Variants in ADAM22 observed in about 807,000 individuals in gnomAD.
ADAM22 encodes the protein ADAM metallopeptidase domain 22.
Under a neutral mutation model 144.6 loss-of-function variants are expected in ADAM22, and 65 were observed. The observed-to-expected ratio is 0.45, with a 90% CI of 0.37 to 0.55. ADAM22 has a LOEUF of 0.55. Among genes scored for constraint, ADAM22 ranks in the 20% least tolerant of loss-of-function variants. The pLI, the probability that ADAM22 is intolerant of heterozygous loss-of-function variation, is 0.00. For synonymous variants in ADAM22, 391 were observed against 412.6 expected (o/e 0.95, Z 0.63); for missense variants, 974 against 1,184.9 (o/e 0.82, Z 2.61).
At chr7:88,000,763 G>T (rs1178338959) in intron 3 of ADAM22, among the ~76,000 whole-genome samples, 5 of 152,052 alleles carry the variant, frequency 3.3e-5, no homozygotes, top group African/African-American at 4.8e-5. Flanking sequence ...ATGAGAATAT[G>T]AATATTTTTC....
chr7:87,962,928 G>T (rs1848303048), intron 2 of ADAM22, among the ~76,000 whole-genome samples: 2 of 152,180 alleles, frequency 1.3e-5, no homozygotes, highest in South Asian at 2.1e-4. Flanking sequence ...CGAAGATCTG[G>T]AGTTTTAACC....
chr7:87,971,611 G>C (rs1637497), intron 2 of ADAM22, among the ~76,000 whole-genome samples: 87,308 of 151,560 alleles, frequency 0.58, 25,804 homozygotes, highest in African/African-American at 0.7. Flanking sequence ...TCCAGTATCT[G>C]TGAGGGGTAT....
chr7:87,961,574 T>C (rs984310332), intron 2 of ADAM22, among the ~76,000 whole-genome samples: 1 of 152,244 alleles, frequency 6.6e-6, no homozygotes, highest in Non-Finnish European at 1.5e-5. Flanking sequence ...TTATGTTTAG[T>C]ACAAGCATGG....
intron 2 of ADAM22, among the ~76,000 whole-genome samples, chr7:87,961,111 C>T (rs1020904374): frequency 6.6e-6 from 1 of 151,876 alleles, no homozygotes; most frequent in Non-Finnish European, 1.5e-5. Flanking sequence ...AGGGGGCATA[C>T]GTTGTAATTT....
At chr7:88,132,981 TG>T in intron 12 of ADAM22, 30 bp downstream of exon 12, 4 of 1,587,838 alleles carry the variant, frequency 2.5e-6, no homozygotes, top group Non-Finnish European at 2.6e-6. Flanking sequence ...CAATACAAAG[TG>T]GTATGATGGC....
chr7:88,081,984 C>G (rs1816812494), intron 4 of ADAM22, among the ~76,000 whole-genome samples: 1 of 152,046 alleles, frequency 6.6e-6, no homozygotes. Context: ...TTGGAAAAAA[C>G]TACTTTAAAG....
intron 9 of ADAM22, 81 bp from the exon 10 acceptor site, chr7:88,130,307 A>C (rs1831444939): frequency 1.8e-6 from 2 of 1,090,272 alleles, no homozygotes; most frequent in Non-Finnish European, 2.7e-6. Flanking sequence ...GGGATCTTTC[A>C]ATTGCACCAT....
chr7:88,042,325 G>A (rs966102093), intron 3 of ADAM22, among the ~76,000 whole-genome samples: 6 of 151,962 alleles, frequency 3.9e-5, no homozygotes, highest in Admixed American at 2.0e-4. Flanking sequence ...TTGTAGGGAG[G>A]AAAAATGTGA....
chr7:87,934,863 C>G lies in ADAM22; in HGVS notation c.86-163C>G, dbSNP rs1351358549. ...CTCGGATGAGCTGGTCCAAGGCTCT[C>G]GGGCTGGTGTCTCTGCGTCCTTCCC... On this transcript the variant is annotated intron_variant, in intron 1 of 31. Transcript: ENST00000413139. 8.0e-6 allele frequency: 8 copies of G among 995,686 alleles called. No homozygotes were observed. The South Asian group carries it at 1.0e-4, about 13-fold the overall frequency. The allele number at this position is 995,686 out of a possible 1,614,324, so 61.7% of individuals were successfully genotyped here.
At chr7:88,161,378 C>T (rs1248903008) in intron 22 of ADAM22, among the ~76,000 whole-genome samples, 1 of 151,994 alleles carries the variant, frequency 6.6e-6, no homozygotes, top group East Asian at 1.9e-4. Context: ...TGGAAGACAA[C>T]TTAGGCAATA....
At chr7:88,113,705 T>TATATATATAC (rs1826837330) in intron 5 of ADAM22, among the ~76,000 whole-genome samples, 1 of 67,174 alleles carries the variant, frequency 1.5e-5, no homozygotes, top group Non-Finnish European at 2.8e-5. Context: ...AATAAATAAA[T>TATATATATAC]ATATATATAT....
intron 2 of ADAM22, among the ~76,000 whole-genome samples, chr7:87,975,910 A>G (rs896551843): frequency 6.6e-6 from 1 of 152,148 alleles, no homozygotes; most frequent in African/African-American, 2.4e-5. Flanking sequence ...TTCCCAAAAC[A>G]CAGTTGTTAG....
chr7:88,108,230 G>A lies in ADAM22; in HGVS notation c.445G>A (p.Val149Ile). 6.2e-7 allele frequency: 1 copy of A among 1,613,744 alleles called. No individual in the cohort carries two copies. The highest frequency in any genetic ancestry group is 8.5e-7 in the Non-Finnish European group (1 of 1,179,868). Residue 149 changes from valine to isoleucine, a missense_variant, in exon 5 of 32, where the codon GTT (valine) becomes ATT (isoleucine). Physicochemically the swap from Val to Ile is conservative, Grantham distance 29 (BLOSUM62 3). Around this residue, in one of 2 missense-constraint regions of ADAM22, gnomAD observed 240 missense variants for 234.3 expected, o/e 1.02. Transcript: ENST00000413139. ...GHIRGNPDSF[V>I]ALSTCHGLHG... The stretch of plus-strand genomic sequence containing the variant: ...TATCCGAGGAAACCCTGACTCATTT[G>A]TTGCATTGTCAACATGCCACGGACT...
At chr7:87,967,652 C>T (rs1849437593) in intron 2 of ADAM22, among the ~76,000 whole-genome samples, 1 of 151,522 alleles carries the variant, frequency 6.6e-6, no homozygotes, top group African/African-American at 2.4e-5. Context: ...ACTAAAAATA[C>T]AAAGAATTAG....
chr7:88,114,696 G>C, intron 6 of ADAM22, 49 bp downstream of exon 6: 1 of 1,572,150 alleles, frequency 6.4e-7, no homozygotes, highest in African/African-American at 1.4e-5. Context: ...TTTATGCTGA[G>C]AGCTTTTTTC....
At chr7:88,079,028 C>G (rs552105355) in intron 4 of ADAM22, among the ~76,000 whole-genome samples, 3 of 152,034 alleles carry the variant, frequency 2.0e-5, no homozygotes, top group Non-Finnish European at 4.4e-5. Flanking sequence ...AAGAGCAACT[C>G]CAAGACACAT....
intron 3 of ADAM22, among the ~76,000 whole-genome samples, chr7:88,029,606 C>T (rs1685768316): frequency 6.6e-6 from 1 of 151,988 alleles, no homozygotes; most frequent in African/African-American, 2.4e-5. Context: ...TCATTAATGT[C>T]CTTTTCTTTC....
At position 88,202,315 on chromosome 7, in the gene ADAM22, C is replaced by G. The variant is rs1259623615; in HGVS notation, c.*5824C>G. The G allele has an allele frequency of 1.3e-5, 2 of 151,956 alleles. No individual in the cohort carries two copies. The highest frequency in any genetic ancestry group is 3.9e-4 in the East Asian group (2 of 5,192). 9.4% of individuals were successfully genotyped at this position (151,956 alleles called of 1,614,324 possible). The stretch of plus-strand genomic sequence containing the variant: ...TTTTTTAACTTGCTGGAAGACTTGC[C>G]CCTCCAAACTAGCACCCCCAAAAGA... On this transcript the variant is annotated 3_prime_UTR_variant, in exon 32 of 32. Transcript: ENST00000413139.
chr7:88,130,431 C>A lies in ADAM22; in HGVS notation c.797C>A (p.Ala266Glu). 1 of 1,613,186 alleles carries A rather than the reference C, an allele frequency of 6.2e-7. No individual in the cohort carries two copies. Among genetic ancestry groups the A allele is most frequent in the Non-Finnish European group, 8.5e-7 (1 of 1,179,368 alleles). Residue 266 changes from alanine to glutamate, a missense_variant, in exon 10 of 32, where the codon GCG becomes GAG. Physicochemically the swap from Ala to Glu is moderately radical, Grantham distance 107. This residue lies in a region of ADAM22 where 734 missense variants were observed against 950.6 expected (regional missense o/e 0.77). Coordinates refer to ENST00000413139, the MANE Select transcript of ADAM22 (RefSeq NM_001324418.2). ...RLSVVHTNTYAKSVVNMADLI... is the reference protein window; with the variant it reads ...RLSVVHTNTYEKSVVNMADLI... Reference sequence around the variant, plus strand: ...TCCGTTGTACATACCAATACCTATGCGAAATCTGTGGTGAACATGGCAGAT... The same window carrying A: ...TCCGTTGTACATACCAATACCTATGAGAAATCTGTGGTGAACATGGCAGAT...
Sources: gnomAD v4.1 joint callset for allele counts (sites outside exome capture counted in the v4.1 genomes callset) on GRCh38, gnomAD v4.1.1 for gene constraint, gnomAD v4.1.1 regional missense constraint, MANE v1.5 for transcripts, NCBI Gene and HGNC (gene_info 2026-07-23, HGNC 2026-07-21) for gene names.